The following CCDC90B variants were observed in gnomAD, a reference collection of about 807,000 sequenced individuals.
CCDC90B encodes the protein coiled-coil domain-containing protein 90B, mitochondrial.
CCDC90B carries 24 observed loss-of-function variants against 37.0 expected under a neutral mutation model. The observed-to-expected ratio is 0.65, with a 90% CI of 0.47 to 0.91. The LOEUF is 0.91. Among genes scored for constraint, CCDC90B ranks in the 40% least tolerant of loss-of-function variants. CCDC90B has a pLI of 0.00. For missense variants in CCDC90B, 319 were observed against 299.0 expected (o/e 1.07, Z -0.49); for synonymous variants, 113 against 101.1 (o/e 1.12, Z -0.71).
At chr11:83,269,434 A>G (rs897343610) in intron 7 of CCDC90B, among the ~76,000 whole-genome samples, 13 of 152,296 alleles carry the variant, frequency 8.5e-5, no homozygotes, top group Admixed American at 6.5e-4. Flanking sequence ...AGAAGAAAAG[A>G]GAGAAGAATC....
Position 83,273,634 on chromosome 11 carries a change from C to T in CCDC90B, c.594+13G>A. The T allele has an allele frequency of 1.9e-6, 3 of 1,563,276 alleles. No individual in the cohort carries two copies. The highest frequency in any genetic ancestry group is 1.2e-5 in the South Asian group (1 of 86,610). ...GAACTGTACAAAAGAGACATTTTTA[C>T]ATATTACTTTACCTTTTTTGTAAAT... On this transcript the variant is annotated intron_variant, in intron 7 of 8. Transcript: ENST00000529689.
intron 1 of CCDC90B, among the ~76,000 whole-genome samples, chr11:83,282,590 G>A (rs893087178): frequency 3.9e-5 from 6 of 152,184 alleles, no homozygotes; most frequent in African/African-American, 1.4e-4. Context: ...CTGCTTTCAA[G>A]GGCTCTTTGA....
chr11:83,284,187 G>C (rs1216701654), intron 1 of CCDC90B, among the ~76,000 whole-genome samples: 2 of 152,114 alleles, frequency 1.3e-5, no homozygotes, highest in African/African-American at 4.8e-5. Flanking sequence ...GTTCGTAATA[G>C]CGAGATACAA....
Position 83,260,984 on chromosome 11 carries a change from C to G in CCDC90B, c.*927G>C, listed in dbSNP as rs1040962176. On this transcript the variant is annotated 3_prime_UTR_variant, in exon 9 of 9. Transcript: ENST00000529689. ...AACTACATTAAGAAGCAGGGATAAA[C>G]TGGTTTTTGAGTATCAAATATTTAA... 6.6e-6 allele frequency: 1 copy of G among 152,222 alleles called. No individual in the cohort carries two copies. 9.4% of individuals were successfully genotyped at this position (152,222 alleles called of 1,614,324 possible). A position where few individuals can be genotyped will look rare whatever the true frequency, so the allele number is the denominator to read the frequency against.
rs1030413316 is a variant in CCDC90B at position 83,286,316 on chromosome 11, A to G, written c.-344T>C. ...CATAGTCCAACAGCTGGCTCCCCCA[A>G]GATAGCCAGCGGCCATTACGCGCTT... On this transcript the variant is annotated 5_prime_UTR_variant, in exon 1 of 9. Coordinates refer to ENST00000529689, the MANE Select transcript of CCDC90B (RefSeq NM_021825.5). 9 of 897,322 alleles carry G rather than the reference A, an allele frequency of 1.0e-5. No homozygotes were observed. Among genetic ancestry groups the G allele is most frequent in the African/African-American group, 3.4e-5 (2 of 59,528 alleles). 55.6% of individuals were successfully genotyped at this position (897,322 alleles called of 1,614,324 possible). A position where few individuals can be genotyped will look rare whatever the true frequency, so the allele number is the denominator to read the frequency against.
At chr11:83,279,268 G>A (rs149317596) in intron 2 of CCDC90B, among the ~76,000 whole-genome samples, 1,894 of 151,276 alleles carry the variant, frequency 0.013, 23 homozygotes, top group Non-Finnish European at 0.02. Context: ...GCAACAGAGC[G>A]AGACTCTGTC....
rs754741615 is a variant in CCDC90B at position 83,278,835 on chromosome 11, G to A, written c.221-6C>T. ...TGCTTGTGTTTTGTCAAATCCTGTA[G>A]GCAGCAAATAGGTATTTTATTTTTT... On this transcript the variant is annotated splice_region_variant and splice_polypyrimidine_tract_variant and intron_variant, in intron 2 of 8. Coordinates refer to ENST00000529689, the MANE Select transcript of CCDC90B (RefSeq NM_021825.5). 23 of 1,581,752 alleles carry A rather than the reference G, an allele frequency of 1.5e-5. No homozygotes were observed. Among genetic ancestry groups the A allele is most frequent in the Non-Finnish European group, 1.8e-5 (21 of 1,151,190 alleles).
Position 83,286,311 on chromosome 11 carries a change from C to T in CCDC90B, c.-339G>A, listed in dbSNP as rs1232760963. 2.1e-6 allele frequency: 2 copies of T among 939,922 alleles called. No individual in the cohort carries two copies. The highest frequency in any genetic ancestry group is 5.3e-5 in the East Asian group (2 of 37,602). The allele number at this position is 939,922 out of a possible 1,614,324, so 58.2% of individuals were successfully genotyped here. ...TGGGGCATAGTCCAACAGCTGGCTC[C>T]CCCAAGATAGCCAGCGGCCATTACG... On this transcript the variant is annotated 5_prime_UTR_variant, in exon 1 of 9. Coordinates refer to ENST00000529689, the MANE Select transcript of CCDC90B (RefSeq NM_021825.5).
At chr11:83,282,252 T>G (rs763634840) in intron 1 of CCDC90B, among the ~76,000 whole-genome samples, 5 of 152,234 alleles carry the variant, frequency 3.3e-5, no homozygotes, top group Non-Finnish European at 7.3e-5. Context: ...CTGCCCAGTA[T>G]TGCAAGAATA....
Position 83,286,009 on chromosome 11 carries a change from C to CG in CCDC90B, c.-38dup, listed in dbSNP as rs565170736. On this transcript the variant is annotated 5_prime_UTR_variant, in exon 1 of 9. Transcript: ENST00000529689. ...TTTCCGGTGGGAGGGAGGCGGAAGA[C>CG]GGGGTAAATCTCGCACAGGCTTTCG... 3.0e-4 allele frequency: 480 copies of CG among 1,582,228 alleles called. 4 individuals are homozygous for CG. In the African/African-American group the frequency reaches 5.6e-3, roughly 18 times the overall value.
Position 83,274,632 on chromosome 11 carries a change from G to C in CCDC90B, c.426+7C>G, listed in dbSNP as rs771131381. ...TTTTATAAGTAATAAATTAAAATTT[G>C]TATCACCTCATTCTCTGCTCTCAGA... On this transcript the variant is annotated splice_region_variant and intron_variant, in intron 4 of 8. Transcript: ENST00000529689. 15 of 1,546,752 alleles carry C rather than the reference G, an allele frequency of 9.7e-6. No individual in the cohort carries two copies. Among genetic ancestry groups the C allele is most frequent in the Non-Finnish European group, 1.1e-5 (12 of 1,131,564 alleles).
chr11:83,272,858 T>C (rs1000118027), intron 7 of CCDC90B, among the ~76,000 whole-genome samples: 3 of 152,132 alleles, frequency 2.0e-5, no homozygotes, highest in Non-Finnish European at 4.4e-5. Flanking sequence ...GCCACAGAGA[T>C]GAAGTCATGA....
rs1004296937 is a variant in CCDC90B at position 83,259,568 on chromosome 11, C to T, written c.*2343G>A. On this transcript the variant is annotated 3_prime_UTR_variant, in exon 9 of 9. Coordinates refer to ENST00000529689, the MANE Select transcript of CCDC90B (RefSeq NM_021825.5). ...ATAAATGGCATACCTCCTTTCCATTCTGGGTTGTGAATATAACTAAGATGA... is the reference window on the plus strand; with the variant it reads ...ATAAATGGCATACCTCCTTTCCATTTTGGGTTGTGAATATAACTAAGATGA... The T allele has an allele frequency of 5.3e-5, 8 of 151,966 alleles. No individual in the cohort carries two copies. Among genetic ancestry groups the T allele is most frequent in the African/African-American group, 1.9e-4 (8 of 41,388 alleles). The allele number at this position is 151,966 out of a possible 1,614,324, so 9.4% of individuals were successfully genotyped here. A position where few individuals can be genotyped will look rare whatever the true frequency, so the allele number is the denominator to read the frequency against.
At chr11:83,266,110 C>T (rs775449038) in intron 7 of CCDC90B, 131 bp from the exon 8 acceptor site, 262 of 553,388 alleles carry the variant, frequency 4.7e-4, no homozygotes, top group Non-Finnish European at 7.0e-4. Flanking sequence ...ACATTAAAAG[C>T]ATAGTGGTGT....
rs1864144135 is a variant in CCDC90B at position 83,264,729 on chromosome 11, C to T, written c.709+1136G>A. On this transcript the variant is annotated intron_variant, in intron 8 of 8. Transcript: ENST00000529689. ...AACCCAAATGGCCAACAATGATAGACTGGATTAAGAAAATGTGGCACATAT... is the reference window on the plus strand; with the variant it reads ...AACCCAAATGGCCAACAATGATAGATTGGATTAAGAAAATGTGGCACATAT... 2.0e-5 allele frequency among the ~76,000 whole-genome samples: 3 copies of T among 151,788 alleles called. No individual in the cohort carries two copies. In the South Asian group the frequency reaches 6.2e-4, roughly 32 times the overall value.
At chr11:83,275,561 C>T (rs2135641040) in intron 3 of CCDC90B, among the ~76,000 whole-genome samples, 1 of 152,032 alleles carries the variant, frequency 6.6e-6, no homozygotes, top group African/African-American at 2.4e-5. Flanking sequence ...CAATTCTGGT[C>T]CCAAGCATTT....
rs953964644 is a variant in CCDC90B at position 83,286,165 on chromosome 11, G to A, written c.-193C>T. 3 of 1,536,068 alleles carry A rather than the reference G, an allele frequency of 2.0e-6. No homozygotes were observed. Among genetic ancestry groups the A allele is most frequent in the Non-Finnish European group, 2.6e-6 (3 of 1,146,860 alleles). Reference sequence around the variant, plus strand: ...CTCTTCACAGACAGACCCACAGTTCGCGAGCATGGCTCAGCGCTGCCCCGC... The same window carrying A: ...CTCTTCACAGACAGACCCACAGTTCACGAGCATGGCTCAGCGCTGCCCCGC... On this transcript the variant is annotated 5_prime_UTR_variant, in exon 1 of 9. Transcript: ENST00000529689.
intron 8 of CCDC90B, among the ~76,000 whole-genome samples, chr11:83,262,810 G>A (rs673021): frequency 0.42 from 64,222 of 151,936 alleles, 14,246 homozygotes; most frequent in African/African-American, 0.57. Flanking sequence ...TAAGAAATGG[G>A]ATTAGGCATC....
At chr11:83,274,576 T>G (rs1004124867) in intron 4 of CCDC90B, 63 bp downstream of exon 4, 13 of 940,704 alleles carry the variant, frequency 1.4e-5, no homozygotes, top group African/African-American at 1.7e-5. Flanking sequence ...AACTTATTCC[T>G]TAAGTAGGAT....
Sources: gnomAD v4.1 joint callset for allele counts (sites outside exome capture counted in the v4.1 genomes callset) on GRCh38, gnomAD v4.1.1 for gene constraint, MANE v1.5 for transcripts, NCBI Gene and HGNC (gene_info 2026-07-23, HGNC 2026-07-21) for gene names.